The following PHF21B variants were observed in gnomAD, a reference collection of about 807,000 sequenced individuals.
The protein encoded by PHF21B is PHD finger protein 4.
In PHF21B, 22 loss-of-function variants were observed where a neutral mutation model predicts 62.2. That is an observed-to-expected ratio of 0.35 (90% CI 0.25 to 0.51). The LOEUF (loss-of-function observed/expected upper bound fraction) is 0.51, where lower values mean the gene tolerates loss of function less well. Among genes scored for constraint, PHF21B ranks in the 20% least tolerant of loss-of-function variants. The probability of loss-of-function intolerance (pLI) is 0.97; values close to 1 mark genes in which losing one functional copy is unlikely to be tolerated. For missense variants in PHF21B, 701 were observed against 707.9 expected, an observed-to-expected ratio of 0.99 and a Z score of 0.11; for synonymous variants, 341 against 314.7, an observed-to-expected ratio of 1.08 and a Z score of -0.88.
At chr22:44,992,358 G>A (rs780782635) in intron 2 of PHF21B, among the ~76,000 whole-genome samples, 8 of 152,220 alleles carry the variant, frequency 5.3e-5, no homozygotes, top group African/African-American at 1.9e-4. Flanking sequence ...CAGCGTGGAC[G>A]CACTCAATGC....
At chr22:44,934,782 C>T (rs2071811955) in intron 2 of PHF21B, among the ~76,000 whole-genome samples, 1 of 152,226 alleles carries the variant, frequency 6.6e-6, no homozygotes, top group Non-Finnish European at 1.5e-5. Flanking sequence ...CCACTGCACC[C>T]ACTTCTGCAA....
intron 9 of PHF21B, among the ~76,000 whole-genome samples, chr22:44,888,461 TGCG>T (rs1247538605): frequency 1.3e-5 from 2 of 151,712 alleles, no homozygotes; most frequent in Non-Finnish European, 2.9e-5. Flanking sequence ...GCTGTCCTGC[TGCG>T]GCCTAGAAAA....
intron 2 of PHF21B, among the ~76,000 whole-genome samples, chr22:44,945,130 T>C (rs909086140): frequency 1.6e-4 from 25 of 152,240 alleles, no homozygotes; most frequent in African/African-American, 5.8e-4. Flanking sequence ...CAGGTTACCA[T>C]GGCAGGAAAA....
chr22:44,889,070 C>T (rs888046758), intron 9 of PHF21B, among the ~76,000 whole-genome samples: 9 of 152,246 alleles, frequency 5.9e-5, no homozygotes, highest in African/African-American at 1.9e-4. Context: ...GAAAATGACA[C>T]AGCCTAACCG....
rs578225471 is a variant in PHF21B, at chr22:44,974,514, A to G, written c.120+34031T>C. On this transcript the variant is annotated intron_variant, in intron 2 of 12. Transcript: ENST00000313237. ...TTTCACCCAAACAGCCGACATACCC[A>G]CATGTGTTGGTACCACCCTGCACAA... is the stretch of plus-strand genomic sequence containing the variant. Among the ~76,000 whole-genome samples the G allele has an allele frequency of 3.3e-5, 5 of 152,094 alleles. No homozygotes were observed. The South Asian group carries it at 1.0e-3, about 32-fold the overall frequency.
At chr22:44,915,000 T>C (rs183980681) in intron 4 of PHF21B, among the ~76,000 whole-genome samples, 2 of 152,366 alleles carry the variant, frequency 1.3e-5, no homozygotes, top group African/African-American at 4.8e-5. Context: ...TAGGAATTAC[T>C]TGAACTTGGG....
intron 2 of PHF21B, among the ~76,000 whole-genome samples, chr22:44,969,874 G>A (rs895712686): frequency 6.6e-6 from 1 of 152,348 alleles, no homozygotes; most frequent in Non-Finnish European, 1.5e-5. Flanking sequence ...GAGAGGTTAA[G>A]TAACTGGCCC....
chr22:44,993,889 G>C (rs531677222), intron 2 of PHF21B, among the ~76,000 whole-genome samples: 10 of 152,352 alleles, frequency 6.6e-5, no homozygotes, highest in African/African-American at 2.4e-4. Context: ...TGCCTGTGAA[G>C]AGCCACAAAC....
chr22:44,943,533 C>T (rs2072002825), intron 2 of PHF21B, among the ~76,000 whole-genome samples: 1 of 152,158 alleles, frequency 6.6e-6, no homozygotes, highest in South Asian at 2.1e-4. Flanking sequence ...TCCGTCTCCT[C>T]GTGGGGACAC....
intron 2 of PHF21B, among the ~76,000 whole-genome samples, chr22:44,922,309 A>G (rs892783579): frequency 6.6e-6 from 1 of 152,222 alleles, no homozygotes; most frequent in Non-Finnish European, 1.5e-5. Context: ...AAATGAGTTT[A>G]GCCAGGTTGC....
chr22:44,960,956 ATTTT>A (rs58426065), intron 2 of PHF21B, among the ~76,000 whole-genome samples: 24 of 120,892 alleles, frequency 2.0e-4, no homozygotes, highest in African/African-American at 7.5e-4. Context: ...ACGTGAGTTG[ATTTT>A]TTTTTTTTTT....
chr22:44,938,644 G>A (rs569756078), intron 2 of PHF21B, among the ~76,000 whole-genome samples: 1 of 152,244 alleles, frequency 6.6e-6, no homozygotes, highest in African/African-American at 2.4e-5. Flanking sequence ...TGCCCTCTCA[G>A]GGGCAGCACT....
At chr22:44,887,792 G>A (rs2070886427) in intron 10 of PHF21B, among the ~76,000 whole-genome samples, 171 bp downstream of exon 10, 1 of 151,402 alleles carries the variant, frequency 6.6e-6, no homozygotes, top group Non-Finnish European at 1.5e-5. Context: ...TAATACACAG[G>A]ACAAAGTTCC....
At chr22:45,004,517 T>C (rs1257358216) in intron 2 of PHF21B, among the ~76,000 whole-genome samples, 1 of 151,910 alleles carries the variant, frequency 6.6e-6, no homozygotes, top group Non-Finnish European at 1.5e-5. Context: ...CTTTTGGAGT[T>C]GTACTGATTT....
At chr22:44,958,229 A>T (rs1045426952) in intron 2 of PHF21B, among the ~76,000 whole-genome samples, 5 of 150,488 alleles carry the variant, frequency 3.3e-5, no homozygotes, top group Admixed American at 6.6e-5. Flanking sequence ...TGAGTGCACG[A>T]CTCTGCTGGC....
chr22:44,997,878 A>G (rs546848091), intron 2 of PHF21B, among the ~76,000 whole-genome samples: 7 of 152,308 alleles, frequency 4.6e-5, no homozygotes, highest in South Asian at 2.1e-4. Context: ...GCCGCTTCGC[A>G]TAACGGAGGC....
intron 5 of PHF21B, chr22:44,901,497 T>C (rs1020964707): frequency 6.5e-5 from 14 of 216,532 alleles, no homozygotes; most frequent in Middle Eastern, 1.5e-3. Context: ...CCTCCCATTA[T>C]ACATGTGTTG....
intron 2 of PHF21B, among the ~76,000 whole-genome samples, chr22:44,972,623 C>T (rs923714483): frequency 4.6e-5 from 7 of 152,228 alleles, no homozygotes; most frequent in Admixed American, 1.3e-4. Flanking sequence ...TCCTCATGTA[C>T]GTCGGCTCAG....
intron 2 of PHF21B, among the ~76,000 whole-genome samples, chr22:44,924,501 G>C (rs918944106): frequency 2.0e-5 from 3 of 152,182 alleles, no homozygotes; most frequent in Non-Finnish European, 2.9e-5. Context: ...CGGTCATGAG[G>C]GTGGAGCCCT....
Sources: allele counts gnomAD v4.1 joint callset (sites outside exome capture counted in the v4.1 genomes callset), GRCh38; gene constraint gnomAD v4.1.1; transcripts MANE v1.5; gene names NCBI Gene and HGNC (gene_info 2026-07-23, HGNC 2026-07-21).